Variants in WDHD1 observed in about 807,000 individuals in gnomAD.
The protein encoded by WDHD1 is WD repeat and HMG-box DNA-binding protein 1.
Under a neutral mutation model 135.4 loss-of-function variants are expected in WDHD1, and 111 were observed. The observed-to-expected ratio is 0.82, with a 90% confidence interval of 0.70 to 0.96. The LOEUF (loss-of-function observed/expected upper bound fraction) is 0.96. WDHD1 is among the 40% of genes least tolerant of loss of function. WDHD1 has a pLI of 0.00. For synonymous variants in WDHD1, 434 were observed against 439.0 expected, an observed-to-expected ratio of 0.99 and a Z score of 0.14; for missense variants, 1,351 against 1,336.3, an observed-to-expected ratio of 1.01 and a Z score of -0.17.
At chr14:54,950,064 G>A (rs1264209121) in intron 24 of WDHD1, among the ~76,000 whole-genome samples, 1 of 152,102 alleles carries the variant, frequency 6.6e-6, no homozygotes, top group Non-Finnish European at 1.5e-5. Context: ...GACCATCAAG[G>A]CTAGGAAGAA....
Position 54,987,374 on chromosome 14 carries a change from G to A in WDHD1, c.1540C>T (p.Leu514=), listed in dbSNP as rs772028635. ...CTTGAATCCCAAGAACTAAAGTGCA[G>A]GCAGTGAAGCTTGCTAAAAATTAAA... is the stretch of plus-strand genomic sequence containing the variant. ...TDELASKLHC[L]HFSSWDSSKE... is the part of the protein sequence containing the mutation. Residue 514 remains leucine (L), a synonymous_variant, in exon 14 of 26, where the codon CTG becomes TTG. Transcript: ENST00000360586. The A allele has an allele frequency of 4.3e-6, 7 of 1,612,322 alleles. No individual in the cohort carries two copies. In the Admixed American group the frequency reaches 1.2e-4, roughly 27 times the overall value.
At chr14:55,021,314 T>A (rs2042343546) in intron 2 of WDHD1, among the ~76,000 whole-genome samples, 1 of 152,220 alleles carries the variant, frequency 6.6e-6, no homozygotes, top group African/African-American at 2.4e-5. Flanking sequence ...TTCTTCTACA[T>A]CTTCTTCCTT....
At chr14:54,962,918 A>G in intron 19 of WDHD1, 34 bp downstream of exon 19, 1 of 1,612,484 alleles carries the variant, frequency 6.2e-7, no homozygotes, top group African/African-American at 1.3e-5. Context: ...TCAAGACAGT[A>G]AAGGAAAATT....
intron 16 of WDHD1, among the ~76,000 whole-genome samples, chr14:54,978,973 C>CT (rs1196246084): frequency 4.6e-5 from 7 of 152,008 alleles, no homozygotes; most frequent in African/African-American, 1.7e-4. Flanking sequence ...AAAGCTACTA[C>CT]TTTTTTTTCT....
chr14:54,960,776 A>T (rs1246005467), intron 21 of WDHD1, among the ~76,000 whole-genome samples: 1 of 146,158 alleles, frequency 6.8e-6, no homozygotes, highest in African/African-American at 2.6e-5. Context: ...AAAGTGCTGG[A>T]ATTACAGGCG....
At chr14:55,020,785 T>C (rs1055466170) in intron 2 of WDHD1, among the ~76,000 whole-genome samples, 2 of 152,226 alleles carry the variant, frequency 1.3e-5, no homozygotes, top group African/African-American at 2.4e-5. Flanking sequence ...CAGCCTACTG[T>C]TGAGTAGAAG....
chr14:55,003,282 G>A (rs1463642189), intron 7 of WDHD1, among the ~76,000 whole-genome samples: 1 of 152,020 alleles, frequency 6.6e-6, no homozygotes, highest in East Asian at 1.9e-4. Context: ...GGCTGAGACA[G>A]GCAGATCACT....
chr14:54,975,658 T>C (rs923783535), intron 16 of WDHD1, among the ~76,000 whole-genome samples: 2 of 152,062 alleles, frequency 1.3e-5, no homozygotes, highest in African/African-American at 2.4e-5. Context: ...CTCATATTCA[T>C]AATTAAAGGA....
intron 3 of WDHD1, among the ~76,000 whole-genome samples, chr14:55,010,932 T>C (rs1486777968): frequency 1.3e-5 from 2 of 152,182 alleles, no homozygotes; most frequent in Admixed American, 1.3e-4. Context: ...GAGACTGCAG[T>C]GATATACCTA....
In WDHD1 at chr14:54,993,755, TTG is replaced by T. The variant is rs1555370361; in HGVS notation, c.1153+1846_1153+1847del. ...ATGCCACTCTTCTCACTAATTTTTT[TTG>T]TTTTTCATAAAAAAGTACTATTCAT... On this transcript the variant is annotated intron_variant, in intron 11 of 25. Transcript: ENST00000360586. 2.0e-3 allele frequency among the ~76,000 whole-genome samples: 293 copies of T among 149,418 alleles called. 1 individual carries two copies. The highest frequency in any genetic ancestry group is 3.9e-3 in the South Asian group (18 of 4,576).
chr14:54,948,613 G>A (rs907618572), intron 24 of WDHD1, among the ~76,000 whole-genome samples: 12 of 152,232 alleles, frequency 7.9e-5, no homozygotes, highest in African/African-American at 2.7e-4. Flanking sequence ...AACCTCTACA[G>A]ATTTAAATGT....
chr14:54,967,217 A>G (rs2041358976), intron 17 of WDHD1, 63 bp downstream of exon 17: 2 of 1,252,232 alleles, frequency 1.6e-6, no homozygotes, highest in South Asian at 1.2e-5. Context: ...ATAATTTTAA[A>G]GTGTGTGTAT....
intron 24 of WDHD1, among the ~76,000 whole-genome samples, chr14:54,950,651 C>T (rs1187889): frequency 0.96 from 145,521 of 152,194 alleles, 69,745 homozygotes; most frequent in Non-Finnish European, 0.99. Flanking sequence ...GCAGACCTAA[C>T]AGACATCTAC....
chr14:55,014,229 G>A (rs2042223606), intron 2 of WDHD1, among the ~76,000 whole-genome samples: 1 of 152,168 alleles, frequency 6.6e-6, no homozygotes, highest in South Asian at 2.1e-4. Flanking sequence ...AGGTCGCTGG[G>A]ACTACAGGCG....
intron 4 of WDHD1, 69 bp downstream of exon 4, chr14:55,010,240 A>G (rs1490106901): frequency 1.4e-6 from 2 of 1,394,568 alleles, no homozygotes; most frequent in African/African-American, 3.0e-5. Flanking sequence ...TGAAAACACT[A>G]CCCTGAAACA....
intron 2 of WDHD1, among the ~76,000 whole-genome samples, chr14:55,015,109 G>A (rs1434705812): frequency 1.2e-4 from 18 of 152,130 alleles, no homozygotes. Flanking sequence ...TGGTTTATGT[G>A]TCCAACTGGC....
At chr14:54,967,887 T>G (rs1595076896) in intron 16 of WDHD1, among the ~76,000 whole-genome samples, 1 of 152,130 alleles carries the variant, frequency 6.6e-6, no homozygotes, top group Non-Finnish European at 1.5e-5. Flanking sequence ...TCCCAAAGTG[T>G]TGGGATTACA....
At position 54,962,814 on chromosome 14, in the gene WDHD1, G is replaced by A. The variant is rs1221119336; in HGVS notation, c.2571C>T (p.Phe857=). 2 of 1,613,102 alleles carry A rather than the reference G, an allele frequency of 1.2e-6. No individual in the cohort carries two copies. The highest frequency in any genetic ancestry group is 2.2e-5 in the East Asian group (1 of 44,868). The change falls in exon 20 of 26, where the codon TTC becomes TTT. Residue 857 remains phenylalanine, a synonymous_variant. Transcript: ENST00000360586. Reference sequence around the variant, plus strand: ...CAGCATCTTCTTCAACTTGATTTCTGAACCTTGGTTGGCTCCACTCTGTAG... The same window carrying A: ...CAGCATCTTCTTCAACTTGATTTCTAAACCTTGGTTGGCTCCACTCTGTAG... The part of the protein sequence containing the change: ...NTATEWSQPR[F]RNQVEEDAED...
chr14:55,008,646 CAG>C lies in WDHD1; in HGVS notation c.413_414del (p.Pro138ArgfsTer7), dbSNP rs747502545. ...QQKTFRGHDA[P>X]VLSLSFDPKD... ...TTAGGATCAAAGGAAAGACTTAAAA[CAG>C]GGGCATCATGTCCTCGAAATGTTTT... On this transcript the variant is annotated frameshift_variant, in exon 5 of 26. Coordinates refer to ENST00000360586, the MANE Select transcript of WDHD1 (RefSeq NM_007086.4). LOFTEE classifies it high-confidence loss of function. The C allele has an allele frequency of 3.1e-6, 5 of 1,612,602 alleles. No homozygotes were observed. The South Asian group carries it at 3.3e-5, about 11-fold the overall frequency.
Sources: gnomAD v4.1 joint callset for allele counts (sites outside exome capture counted in the v4.1 genomes callset) on GRCh38, gnomAD v4.1.1 for gene constraint, MANE v1.5 for transcripts, NCBI Gene and HGNC (gene_info 2026-07-23, HGNC 2026-07-21) for gene names.